GET3: variants seen among roughly 807,000 people sequenced by gnomAD.
GET3 encodes guided entry of tail-anchored proteins factor 3, ATPase.
GET3 carries 15 observed loss-of-function variants against 32.4 expected under a neutral mutation model. That is an observed-to-expected ratio of 0.46 (90% CI 0.31 to 0.71). The LOEUF is 0.71. Among genes scored for constraint, GET3 ranks in the 30% least tolerant of loss-of-function variants. The probability of loss-of-function intolerance (pLI) is 0.05; values close to 1 mark genes in which losing one functional copy is unlikely to be tolerated. For synonymous variants in GET3, 198 were observed against 185.6 expected, an observed-to-expected ratio of 1.07 and a Z score of -0.54; for missense variants, 333 against 459.0, an observed-to-expected ratio of 0.73 and a Z score of 2.51.
chr19:12,741,775 T>G (rs1967673832), intron 2 of GET3, among the ~76,000 whole-genome samples: 1 of 146,434 alleles, frequency 6.8e-6, no homozygotes, highest in Non-Finnish European at 1.5e-5. Flanking sequence ...AAAAAATTAG[T>G]TGGGCCTGGT....
chr19:12,744,744 CAG>C (rs1463675793), intron 2 of GET3, among the ~76,000 whole-genome samples: 1 of 152,122 alleles, frequency 6.6e-6, no homozygotes, highest in East Asian at 1.9e-4. Context: ...GCTATGGAGA[CAG>C]ATGATAAACA....
At chr19:12,742,842 C>T (rs1967695402) in intron 2 of GET3, among the ~76,000 whole-genome samples, 2 of 151,908 alleles carry the variant, frequency 1.3e-5, no homozygotes, top group South Asian at 2.1e-4. Context: ...CTACCGCGCC[C>T]GGCCAAGACG....
At chr19:12,737,380 C>A, upstream of GET3, 1 of 1,213,528 alleles carries the variant, frequency 8.2e-7, no homozygotes, top group Non-Finnish European at 1.1e-6. Context: ...ATTTATATTT[C>A]TCCTAAAAGG....
intron 2 of GET3, among the ~76,000 whole-genome samples, chr19:12,743,765 G>A (rs1480278158): frequency 2.1e-5 from 2 of 95,908 alleles, no homozygotes; most frequent in Non-Finnish European, 3.8e-5. Context: ...GTCTCGCTCT[G>A]TCGCCCAGGC....
chr19:12,738,239 A>C (rs1359886134), intron 1 of GET3, among the ~76,000 whole-genome samples: 1 of 152,158 alleles, frequency 6.6e-6, no homozygotes, highest in Non-Finnish European at 1.5e-5. Context: ...GGGCCATGCC[A>C]CTGTGCCCAG....
In GET3 at chr19:12,748,131, A is replaced by G. The variant is rs1345004863; in HGVS notation, c.*27A>G. The G allele has an allele frequency of 6.4e-7, 1 of 1,556,752 alleles. No homozygotes were observed. The highest frequency in any genetic ancestry group is 1.8e-5 in the Admixed American group (1 of 56,486). ...ACAGCTGCCAGCCCCAACCGCTGCC[A>G]TTTCACACTCACCCTCCACCCTCCC... On this transcript the variant is annotated 3_prime_UTR_variant, in exon 7 of 7. Coordinates refer to ENST00000357332, the MANE Select transcript of GET3 (RefSeq NM_004317.4).
rs954219448 is a variant in GET3, at chr19:12,745,879, T to G, written c.609+120T>G. ...CTTTCCTTCCCACCCCTTCTCACTC[T>G]GGACTTCTCCCTGGAGGGGATGGGA... On this transcript the variant is annotated intron_variant, in intron 4 of 6. Transcript: ENST00000357332. The surrounding 1 kb of genome is among the most constrained non-coding windows in gnomAD (Gnocchi z 5.0). The G allele has an allele frequency of 1.0e-5, 14 of 1,340,598 alleles. No homozygotes were observed. The highest frequency in any genetic ancestry group is 1.4e-5 in the Non-Finnish European group (14 of 1,003,856). 83.0% of individuals were successfully genotyped at this position (1,340,598 alleles called of 1,614,324 possible).
chr19:12,744,853 A>G lies in GET3; in HGVS notation c.310-524A>G, dbSNP rs8177480. On this transcript the variant is annotated intron_variant, in intron 2 of 6. Coordinates refer to ENST00000357332, the MANE Select transcript of GET3 (RefSeq NM_004317.4). The stretch of plus-strand genomic sequence containing the variant: ...GGCTGGTGTCCAACTCCTGGGCTCA[A>G]GCGATCCTCCCATCTCATTCTCCTG... Among the ~76,000 whole-genome samples, 1,284 of 152,270 alleles carry G rather than the reference A, an allele frequency of 8.4e-3. 21 individuals carry two copies. Among genetic ancestry groups the G allele is most frequent in the African/African-American group, 0.029 (1,211 of 41,536 alleles).
In GET3 at chr19:12,747,923, T is replaced by C; in HGVS notation, c.916-50T>C. The C allele has an allele frequency of 6.5e-7, 1 of 1,527,640 alleles. No individual in the cohort carries two copies. Among genetic ancestry groups the C allele is most frequent in the South Asian group, 1.2e-5 (1 of 81,018 alleles). 94.6% of individuals were successfully genotyped at this position (1,527,640 alleles called of 1,614,324 possible). On this transcript the variant is annotated intron_variant, in intron 6 of 6. Coordinates refer to ENST00000357332, the MANE Select transcript of GET3 (RefSeq NM_004317.4). The surrounding 1 kb of genome is among the most constrained non-coding windows in gnomAD (Gnocchi z 4.0). The stretch of plus-strand genomic sequence containing the variant: ...CTTCTATTGATCCACACTCTGTCTC[T>C]GCCTTCCTGCCCCCTGACCACTGCC...
rs138283991 is a variant in GET3 at position 12,747,445 on chromosome 19, T to C, written c.768T>C (p.Tyr256=). 268 of 1,614,030 alleles carry C rather than the reference T, an allele frequency of 1.7e-4. No homozygotes were observed. Among genetic ancestry groups the C allele is most frequent in the Non-Finnish European group, 2.2e-4 (264 of 1,179,966 alleles). ...CVCIAEFLSL[Y]ETERLIQELA... is the part of the protein sequence containing the mutation. ...GCATTGCTGAGTTCCTGTCCCTGTA[T>C]GAGACAGAGAGGCTGATCCAGGAGC... Residue 256 remains tyrosine (Y), a synonymous_variant, in exon 6 of 7, where the codon TAT becomes TAC. Transcript: ENST00000357332. This position sits in a 1 kb window ranked among gnomAD's most constrained non-coding sequence, Gnocchi z 4.0.
intron 2 of GET3, among the ~76,000 whole-genome samples, chr19:12,740,687 TAAAAA>T (rs1458068851): frequency 2.0e-5 from 3 of 151,736 alleles, no homozygotes. Flanking sequence ...AAATAATAAA[TAAAAA>T]TAAAATAAAA....
At chr19:12,743,366 C>T (rs1456791224) in intron 2 of GET3, among the ~76,000 whole-genome samples, 1 of 152,002 alleles carries the variant, frequency 6.6e-6, no homozygotes, top group Non-Finnish European at 1.5e-5. Flanking sequence ...ATCCCAGCTA[C>T]TCAGGAAGCT....
chr19:12,742,931 G>A (rs1207466580), intron 2 of GET3, among the ~76,000 whole-genome samples: 4 of 152,192 alleles, frequency 2.6e-5, no homozygotes, highest in African/African-American at 9.7e-5. Flanking sequence ...GAAAGGGAGT[G>A]TTTGCAGAGG....
chr19:12,745,843 CTAACAATTCCCT>C lies in GET3; in HGVS notation c.609+86_609+97del. 6.7e-7 allele frequency: 1 copy of C among 1,486,338 alleles called. No homozygotes were observed. The highest frequency in any genetic ancestry group is 9.0e-7 in the Non-Finnish European group (1 of 1,113,658). The allele number at this position is 1,486,338 out of a possible 1,614,324, so 92.1% of individuals were successfully genotyped here. A position where few individuals can be genotyped will look rare whatever the true frequency, so the allele number is the denominator to read the frequency against. ...GGGCCCCCAGACCCTCAAATGCGCA[CTAACAATTCCCT>C]TTCCTTCCCACCCCTTCTCACTCTG... On this transcript the variant is annotated intron_variant, in intron 4 of 6. Coordinates refer to ENST00000357332, the MANE Select transcript of GET3 (RefSeq NM_004317.4). This position sits in a 1 kb window ranked among gnomAD's most constrained non-coding sequence, Gnocchi z 5.0.
chr19:12,746,204 C>G (rs910012717), intron 4 of GET3, among the ~76,000 whole-genome samples: 5 of 152,202 alleles, frequency 3.3e-5, no homozygotes, highest in Non-Finnish European at 7.3e-5. Context: ...GCGATCTTGG[C>G]TCATTGCAAC....
At position 12,748,107 on chromosome 19, in the gene GET3, C is replaced by T. The variant is rs1013015429; in HGVS notation, c.*3C>T. 46 of 1,581,402 alleles carry T rather than the reference C, an allele frequency of 2.9e-5. No individual in the cohort carries two copies. Among genetic ancestry groups the T allele is most frequent in the Non-Finnish European group, 3.7e-5 (43 of 1,159,036 alleles). ...ACAAGCCCCCCAGTGCCCAGTAGCA[C>T]AGCTGCCAGCCCCAACCGCTGCCAT... On this transcript the variant is annotated 3_prime_UTR_variant, in exon 7 of 7. Transcript: ENST00000357332.
chr19:12,743,613 A>T (rs1341278012), intron 2 of GET3, among the ~76,000 whole-genome samples: 1 of 149,416 alleles, frequency 6.7e-6, no homozygotes, highest in Non-Finnish European at 1.5e-5. Context: ...ACACAGTGAA[A>T]CCCCGTCTCT....
At chr19:12,739,116 C>T (rs1025726631) in intron 2 of GET3, among the ~76,000 whole-genome samples, 4 of 151,744 alleles carry the variant, frequency 2.6e-5, no homozygotes, top group African/African-American at 9.7e-5. Flanking sequence ...GAGATGACAA[C>T]ATCCTGGACT....
intron 1 of GET3, 110 bp downstream of exon 1, chr19:12,737,776 G>A (rs777027860): frequency 1.1e-5 from 16 of 1,399,664 alleles, no homozygotes; most frequent in Non-Finnish European, 1.5e-5. Flanking sequence ...GCTGGCGGGG[G>A]TCTTTGGGTT....
Sources: gnomAD v4.1 joint callset for allele counts (sites outside exome capture counted in the v4.1 genomes callset) on GRCh38, gnomAD v4.1.1 for gene constraint, Gnocchi (gnomAD v3.1) non-coding constraint, MANE v1.5 for transcripts, NCBI Gene and HGNC (gene_info 2026-07-23, HGNC 2026-07-21) for gene names.